Variants in PRDM6 observed in about 807,000 individuals in gnomAD.
PRDM6 encodes PR/SET domain 6.
Under a neutral mutation model 60.8 loss-of-function variants are expected in PRDM6, and 25 were observed. That is an observed-to-expected ratio of 0.41 (90% CI 0.30 to 0.57). The LOEUF (loss-of-function observed/expected upper bound fraction) is 0.57. Ranked by LOEUF, PRDM6 falls within the 20% of genes least tolerant of loss-of-function variation. PRDM6 has a pLI of 0.27. For missense variants in PRDM6, 839 were observed against 821.3 expected (o/e 1.02, Z -0.26); for synonymous variants, 407 against 357.4 (o/e 1.14, Z -1.57).
intron 3 of PRDM6, among the ~76,000 whole-genome samples, chr5:123,140,629 G>A (rs1266905271): frequency 2.0e-5 from 3 of 151,842 alleles, no homozygotes; most frequent in African/African-American, 7.3e-5. Context: ...ATGACTTACA[G>A]AAAAACAAAT....
chr5:123,101,651 C>T (rs1245559768), intron 3 of PRDM6, among the ~76,000 whole-genome samples: 3 of 152,118 alleles, frequency 2.0e-5, no homozygotes, highest in Non-Finnish European at 1.5e-5. Flanking sequence ...TTATATTGCC[C>T]TTTGATGCCT....
At chr5:123,118,511 G>A (rs1317853607) in intron 3 of PRDM6, among the ~76,000 whole-genome samples, 1 of 152,176 alleles carries the variant, frequency 6.6e-6, no homozygotes, top group Non-Finnish European at 1.5e-5. Context: ...GGTAAAACTA[G>A]GTTTTGCAAG....
At chr5:123,173,152 C>G (rs1442738089) in intron 6 of PRDM6, among the ~76,000 whole-genome samples, 2 of 150,082 alleles carry the variant, frequency 1.3e-5, no homozygotes, top group Non-Finnish European at 2.9e-5. Context: ...GATCGCACCA[C>G]TGCACTCCAG....
chr5:123,158,652 C>T (rs925802298), intron 4 of PRDM6, among the ~76,000 whole-genome samples: 9 of 152,152 alleles, frequency 5.9e-5, no homozygotes, highest in South Asian at 2.1e-4. Context: ...GAGAAGCATT[C>T]GCCTTATGTC....
rs763621237 is a variant in PRDM6 at position 123,090,145 on chromosome 5, T to C, written c.131T>C (p.Leu44Pro). Reference sequence around the variant, plus strand: ...AAGGGCAGCGGCGCCGCGGGTCTCCTGAGCGCGCCGCAGCCTCTTCAGCCG... The same window carrying C: ...AAGGGCAGCGGCGCCGCGGGTCTCCCGAGCGCGCCGCAGCCTCTTCAGCCG... ...PLKGSGAAGL[L>P]SAPQPLQPPP... The change falls in exon 2 of 8, where the codon CTG becomes CCG. Residue 44 changes from leucine (L) to proline (P), a missense_variant. Physicochemically the swap from Leu to Pro is moderately conservative, Grantham distance 98. Around this residue, in one of 2 missense-constraint regions of PRDM6, gnomAD observed 730 missense variants for 648.8 expected, o/e 1.13. Coordinates refer to ENST00000407847, the MANE Select transcript of PRDM6 (RefSeq NM_001136239.4). 4 of 1,530,764 alleles carry C rather than the reference T, an allele frequency of 2.6e-6. No individual in the cohort carries two copies. The highest frequency in any genetic ancestry group is 3.5e-6 in the Non-Finnish European group (4 of 1,139,132). The allele number at this position is 1,530,764 out of a possible 1,614,324, so 94.8% of individuals were successfully genotyped here.
intron 6 of PRDM6, among the ~76,000 whole-genome samples, chr5:123,175,169 A>C (rs1765977302): frequency 6.6e-6 from 1 of 152,182 alleles, no homozygotes; most frequent in Non-Finnish European, 1.5e-5. Context: ...TTCAATCACA[A>C]TGGATTGTTT....
At chr5:123,091,755 T>A (rs1466307098) in intron 2 of PRDM6, among the ~76,000 whole-genome samples, 1 of 152,268 alleles carries the variant, frequency 6.6e-6, no homozygotes, top group African/African-American at 2.4e-5. Flanking sequence ...GCTATTTTCT[T>A]CATCTCATTC....
At chr5:123,158,844 T>A (rs1765565895) in intron 4 of PRDM6, among the ~76,000 whole-genome samples, 1 of 152,148 alleles carries the variant, frequency 6.6e-6, no homozygotes. Flanking sequence ...TAGGTTTTTT[T>A]TTTACAGTAC....
chr5:123,130,105 C>T (rs1411862929), intron 3 of PRDM6, among the ~76,000 whole-genome samples: 4 of 62,206 alleles, frequency 6.4e-5, no homozygotes, highest in Non-Finnish European at 1.2e-4. Flanking sequence ...CCTCCCCTCC[C>T]CTCCCCTCCT....
At position 123,189,636 on chromosome 5, in the gene PRDM6, A is replaced by G. The variant is rs1040196045; in HGVS notation, c.*2435A>G. 2.6e-5 allele frequency: 4 copies of G among 152,262 alleles called. No homozygotes were observed. The highest frequency in any genetic ancestry group is 2.6e-4 in the Admixed American group (4 of 15,280). 9.4% of individuals were successfully genotyped at this position (152,262 alleles called of 1,614,324 possible). ...TCTATTTTTATCCTCTATTATTAAG[A>G]GAAATTGTTGGCATATATATTCCAC... On this transcript the variant is annotated 3_prime_UTR_variant, in exon 8 of 8. Coordinates refer to ENST00000407847, the MANE Select transcript of PRDM6 (RefSeq NM_001136239.4).
chr5:123,133,239 A>G (rs890583027), intron 3 of PRDM6, among the ~76,000 whole-genome samples: 1 of 152,134 alleles, frequency 6.6e-6, no homozygotes, highest in Non-Finnish European at 1.5e-5. Context: ...TTACTATTAT[A>G]GGTAATGCAT....
At chr5:123,172,730 G>GT (rs1434992054) in intron 6 of PRDM6, among the ~76,000 whole-genome samples, 1 of 152,076 alleles carries the variant, frequency 6.6e-6, no homozygotes, top group Non-Finnish European at 1.5e-5. Context: ...ATTATACCAG[G>GT]TAAAATAAAA....
rs556958692 is a variant in PRDM6 at position 123,191,794 on chromosome 5, T to G, written c.*4593T>G. On this transcript the variant is annotated 3_prime_UTR_variant, in exon 8 of 8. Coordinates refer to ENST00000407847, the MANE Select transcript of PRDM6 (RefSeq NM_001136239.4). ...CACCTATTTCAGCCCTCCCCAAGAT[T>G]GCATTCTACAAACCCAGAGATCAGC... is the stretch of plus-strand genomic sequence containing the variant. 6.6e-6 allele frequency: 1 copy of G among 152,230 alleles called. No individual in the cohort carries two copies. The highest frequency in any genetic ancestry group is 2.1e-4 in the South Asian group (1 of 4,826). The allele number at this position is 152,230 out of a possible 1,614,324, so 9.4% of individuals were successfully genotyped here. A position where few individuals can be genotyped will look rare whatever the true frequency, so the allele number is the denominator to read the frequency against.
chr5:123,153,603 C>T (rs986092957), intron 3 of PRDM6, among the ~76,000 whole-genome samples: 1 of 152,112 alleles, frequency 6.6e-6, no homozygotes, highest in African/African-American at 2.4e-5. Flanking sequence ...TTGGGAAAAG[C>T]CTGACAAATA....
chr5:123,165,645 C>G (rs1344542319), intron 5 of PRDM6, among the ~76,000 whole-genome samples: 1 of 152,198 alleles, frequency 6.6e-6, no homozygotes, highest in Non-Finnish European at 1.5e-5. Flanking sequence ...GTCTAGTCTC[C>G]TTCCAAGATG....
intron 4 of PRDM6, 65 bp downstream of exon 4, chr5:123,156,076 G>T: frequency 6.9e-7 from 1 of 1,452,152 alleles, no homozygotes; most frequent in Non-Finnish European, 9.2e-7. Flanking sequence ...TACAAATTCA[G>T]GCTTGCCACT....
Position 123,171,093 on chromosome 5 carries a change from C to G in PRDM6, c.1481C>G (p.Thr494Arg). The change falls in exon 6 of 8, where the codon ACG (threonine) becomes AGG (arginine). Residue 494 changes from threonine to arginine, a missense_variant. Around this residue, in one of 2 missense-constraint regions of PRDM6, gnomAD observed 109 missense variants for 172.6 expected, o/e 0.63. Transcript: ENST00000407847. ...QRILLQMHVC[T>R]QNPDRPYQCG... ...ATCCTCTTACAGATGCACGTGTGCA[C>G]GCAGAACCCCGACAGGTAACCCTGA... 1 of 1,539,776 alleles carries G rather than the reference C, an allele frequency of 6.5e-7. No individual in the cohort carries two copies. The highest frequency in any genetic ancestry group is 8.8e-7 in the Non-Finnish European group (1 of 1,139,552).
intron 7 of PRDM6, 71 bp from the exon 8 acceptor site, chr5:123,187,016 A>C (rs114450375): frequency 0.013 from 14,021 of 1,115,598 alleles, 113 homozygotes; most frequent in Non-Finnish European, 0.016. Context: ...CTGATTAGGC[A>C]GGATGAGAGG....
intron 2 of PRDM6, among the ~76,000 whole-genome samples, chr5:123,095,599 C>G (rs977173809): frequency 1.3e-5 from 2 of 152,232 alleles, no homozygotes; most frequent in Non-Finnish European, 1.5e-5. Context: ...CCTCGGGTCT[C>G]GGCCTGCGAG....
Sources: allele counts gnomAD v4.1 joint callset (sites outside exome capture counted in the v4.1 genomes callset), GRCh38; gene constraint gnomAD v4.1.1; regional missense constraint gnomAD v4.1.1; transcripts MANE v1.5; gene names NCBI Gene and HGNC (gene_info 2026-07-23, HGNC 2026-07-21).